Variants in FERRY3 observed in about 807,000 individuals in gnomAD.
The protein encoded by FERRY3 is FERRY endosomal RAB5 effector complex subunit 3.
At chr12:4,521,313 C>T in the FERRY3 span, among the ~76,000 whole-genome samples, 6 of 151,916 alleles carry the variant, frequency 3.9e-5, no homozygotes, top group African/African-American at 7.3e-5. Context: ...GAGCCAAGAT[C>T]GCGGCATTGT....
At chr12:4,501,754 TGTA>T in the FERRY3 span, among the ~76,000 whole-genome samples, 65 of 152,288 alleles carry the variant, frequency 4.3e-4, no homozygotes, top group Middle Eastern at 3.4e-3. Context: ...AATATTGAAA[TGTA>T]ATAATAATAG....
chr12:4,536,812 AAGAATCAACATCAAT>A, the FERRY3 span, among the ~76,000 whole-genome samples: 1 of 152,240 alleles, frequency 6.6e-6, no homozygotes. Flanking sequence ...TAAAGGCAGT[AAGAATCAACATCAAT>A]TAAAGATTTA....
the FERRY3 span, among the ~76,000 whole-genome samples, chr12:4,528,303 T>C: frequency 6.6e-6 from 1 of 152,172 alleles, no homozygotes; most frequent in Non-Finnish European, 1.5e-5. Context: ...AGTAATTAAT[T>C]AGTATTAGGT....
the FERRY3 span, among the ~76,000 whole-genome samples, chr12:4,520,887 A>G: frequency 6.6e-6 from 1 of 152,212 alleles, no homozygotes; most frequent in East Asian, 1.9e-4. Flanking sequence ...TGTTCCAGTG[A>G]ATAAGCTAAT....
chr12:4,506,091 A>C, the FERRY3 span, among the ~76,000 whole-genome samples: 1 of 152,154 alleles, frequency 6.6e-6, no homozygotes, highest in African/African-American at 2.4e-5. Context: ...TACATTATAA[A>C]GACTGAATGC....
chr12:4,496,742 T>C, the FERRY3 span, among the ~76,000 whole-genome samples: 1 of 152,200 alleles, frequency 6.6e-6, no homozygotes, highest in African/African-American at 2.4e-5. Flanking sequence ...TTTTGAAGTC[T>C]TCACTGTATG....
chr12:4,529,637 A>G, the FERRY3 span, among the ~76,000 whole-genome samples: 2 of 152,212 alleles, frequency 1.3e-5, no homozygotes, highest in South Asian at 2.1e-4. Flanking sequence ...ATAAGAATAT[A>G]TAAGGCCCAC....
At chr12:4,513,228 A>T in the FERRY3 span, among the ~76,000 whole-genome samples, 1 of 120,100 alleles carries the variant, frequency 8.3e-6, no homozygotes, top group African/African-American at 3.3e-5. Context: ...ACCACTGCTC[A>T]AGGAAATAAA....
the FERRY3 span, among the ~76,000 whole-genome samples, chr12:4,537,070 C>G: frequency 6.6e-6 from 1 of 152,210 alleles, no homozygotes; most frequent in East Asian, 1.9e-4. Flanking sequence ...TATATTTCCA[C>G]TCTTCTCTCA....
chr12:4,495,044 G>A, the FERRY3 span, among the ~76,000 whole-genome samples: 2 of 152,068 alleles, frequency 1.3e-5, no homozygotes, highest in Admixed American at 6.5e-5. Context: ...TTTACTTGAA[G>A]GCATTTCAAG....
At chr12:4,511,385 T>C in the FERRY3 span, among the ~76,000 whole-genome samples, 17 of 150,686 alleles carry the variant, frequency 1.1e-4, no homozygotes, top group African/African-American at 2.4e-4. Flanking sequence ...CTGCACCAAG[T>C]GGACCTAATA....
chr12:4,518,710 A>G, the FERRY3 span: 3 of 963,320 alleles, frequency 3.1e-6, no homozygotes, highest in Non-Finnish European at 4.6e-6. Flanking sequence ...TAAAAAAATA[A>G]TAATTAAAAA....
chr12:4,526,053 T>C, the FERRY3 span, among the ~76,000 whole-genome samples: 121 of 152,292 alleles, frequency 7.9e-4, no homozygotes, highest in Non-Finnish European at 1.5e-3. Flanking sequence ...CAAATTACTA[T>C]TAAGTCATAA....
At chr12:4,495,392 A>T in the FERRY3 span, among the ~76,000 whole-genome samples, 1 of 152,180 alleles carries the variant, frequency 6.6e-6, no homozygotes, top group Non-Finnish European at 1.5e-5. Context: ...TTTTAAATAT[A>T]AAAAAGCATT....
chr12:4,509,810 G>A, the FERRY3 span, among the ~76,000 whole-genome samples: 1 of 138,014 alleles, frequency 7.2e-6, no homozygotes, highest in Non-Finnish European at 1.5e-5. Flanking sequence ...AAACAGAACA[G>A]AAAAACTGGA....
At chr12:4,499,755 T>C in the FERRY3 span, among the ~76,000 whole-genome samples, 1 of 151,828 alleles carries the variant, frequency 6.6e-6, no homozygotes, top group African/African-American at 2.4e-5. Flanking sequence ...GCCAAATCTA[T>C]GTGTATGTAA....
At chr12:4,492,269 A>C in the FERRY3 span, among the ~76,000 whole-genome samples, 5 of 152,222 alleles carry the variant, frequency 3.3e-5, no homozygotes, top group Admixed American at 6.5e-5. Context: ...AATTTCTGCA[A>C]ATCTCATTAA....
chr12:4,526,607 C>T, the FERRY3 span, among the ~76,000 whole-genome samples: 2 of 151,888 alleles, frequency 1.3e-5, no homozygotes, highest in Non-Finnish European at 2.9e-5. Context: ...TTTGGGAGGC[C>T]GAGGTGGGCG....
the FERRY3 span, chr12:4,535,979 A>G: frequency 6.8e-7 from 1 of 1,462,330 alleles, no homozygotes; most frequent in Non-Finnish European, 9.1e-7. This position sits in a 1 kb window ranked among gnomAD's most constrained non-coding sequence, Gnocchi z 4.0. Context: ...ATTGAAACTA[A>G]TAAAGTGGTG....
Sources: allele counts gnomAD v4.1 joint callset (sites outside exome capture counted in the v4.1 genomes callset), GRCh38; gene constraint gnomAD v4.1.1; non-coding constraint Gnocchi (gnomAD v3.1); transcripts MANE v1.5; gene names NCBI Gene and HGNC (gene_info 2026-07-23, HGNC 2026-07-21).